Variants in CACNA2D1 observed in about 807,000 individuals in gnomAD.
The protein encoded by CACNA2D1 is voltage-dependent calcium channel subunit alpha-2/delta-1.
CACNA2D1 carries 53 observed loss-of-function variants against 171.5 expected under a neutral mutation model. The observed-to-expected ratio is 0.31, with a 90% confidence interval of 0.25 to 0.39. The LOEUF is 0.39. Ranked by LOEUF, CACNA2D1 falls within the 10% of genes least tolerant of loss-of-function variation. CACNA2D1 has a pLI of 1.00. For synonymous variants in CACNA2D1, 442 were observed against 443.1 expected, an observed-to-expected ratio of 1.00 and a Z score of 0.03; for missense variants, 903 against 1,299.8, an observed-to-expected ratio of 0.69 and a Z score of 4.69.
intron 19 of CACNA2D1, 63 bp from the exon 20 acceptor site, chr7:81,995,002 A>ATG (rs950662757): frequency 3.5e-5 from 28 of 806,576 alleles, no homozygotes; most frequent in African/African-American, 3.4e-4. Context: ...AAATATGACT[A>ATG]TTAACATGGT....
intron 3 of CACNA2D1, among the ~76,000 whole-genome samples, chr7:82,268,905 A>G (rs1808265913): frequency 1.3e-5 from 2 of 152,194 alleles, no homozygotes; most frequent in African/African-American, 2.4e-5. Flanking sequence ...GGCTGGCAAC[A>G]GGAAATTGAA....
Position 82,208,229 on chromosome 7 carries a change from TAA to T in CACNA2D1, c.295-37622_295-37621del, listed in dbSNP as rs779609631. Among the ~76,000 whole-genome samples, 10 of 152,192 alleles carry T rather than the reference TAA, an allele frequency of 6.6e-5. No individual in the cohort carries two copies. In the East Asian group the frequency reaches 7.7e-4, roughly 12 times the overall value. On this transcript the variant is annotated intron_variant, in intron 3 of 38. Coordinates refer to ENST00000356860, the MANE Select transcript of CACNA2D1 (RefSeq NM_000722.4). The stretch of plus-strand genomic sequence containing the variant: ...AAATGTTTAATAAATATGCATTATA[TAA>T]GTGTATGTATAAATATATGTATGTA...
At chr7:82,011,517 A>C (rs1799772598) in intron 15 of CACNA2D1, among the ~76,000 whole-genome samples, 2 of 152,288 alleles carry the variant, frequency 1.3e-5, no homozygotes, top group South Asian at 2.1e-4. Flanking sequence ...CTTTACTAAA[A>C]TGTCAATTGT....
intron 3 of CACNA2D1, among the ~76,000 whole-genome samples, chr7:82,237,438 T>A (rs1803737991): frequency 6.6e-6 from 1 of 151,916 alleles, no homozygotes; most frequent in Non-Finnish European, 1.5e-5. Context: ...TCTAGATTGT[T>A]TTTTTTCCTA....
intron 38 of CACNA2D1, among the ~76,000 whole-genome samples, chr7:81,956,741 CTAAT>C (rs1464854891): frequency 5.9e-5 from 9 of 152,040 alleles, no homozygotes; most frequent in Admixed American, 5.2e-4. Flanking sequence ...TAGTGGCTTC[CTAAT>C]CAATGACTAC....
At chr7:82,433,610 T>C (rs1407406617) in intron 1 of CACNA2D1, among the ~76,000 whole-genome samples, 3 of 152,224 alleles carry the variant, frequency 2.0e-5, no homozygotes, top group Non-Finnish European at 4.4e-5. Flanking sequence ...CACCTGCCTC[T>C]ATCAGAACAT....
At chr7:82,383,551 G>A (rs1294537155) in intron 1 of CACNA2D1, among the ~76,000 whole-genome samples, 1 of 152,156 alleles carries the variant, frequency 6.6e-6, no homozygotes, top group Admixed American at 6.5e-5. Flanking sequence ...AAAATGGACA[G>A]TACCCTTGGT....
At chr7:82,278,770 A>G (rs1364639843) in intron 3 of CACNA2D1, among the ~76,000 whole-genome samples, 2 of 152,066 alleles carry the variant, frequency 1.3e-5, no homozygotes, top group Non-Finnish European at 2.9e-5. Flanking sequence ...TTTTAGTTCT[A>G]TTAGTTTTAT....
intron 15 of CACNA2D1, among the ~76,000 whole-genome samples, chr7:82,008,173 C>G (rs1799338829): frequency 6.6e-6 from 1 of 151,900 alleles, no homozygotes; most frequent in Admixed American, 6.6e-5. Flanking sequence ...CTTTTTGTAG[C>G]CTTATTCTTT....
intron 6 of CACNA2D1, among the ~76,000 whole-genome samples, chr7:82,103,663 G>A (rs956964222): frequency 8.0e-6 from 1 of 124,234 alleles, no homozygotes; most frequent in Non-Finnish European, 1.8e-5. Context: ...ATTTGTGTGT[G>A]TATATACATA....
chr7:82,432,932 T>C (rs1242183835), intron 1 of CACNA2D1, among the ~76,000 whole-genome samples: 1 of 151,394 alleles, frequency 6.6e-6, no homozygotes. Context: ...ACGCCTGTAA[T>C]CCTAGCACTT....
At chr7:82,385,946 T>G (rs1824311735) in intron 1 of CACNA2D1, among the ~76,000 whole-genome samples, 2 of 152,194 alleles carry the variant, frequency 1.3e-5, no homozygotes, top group Admixed American at 6.5e-5. Flanking sequence ...ATTACAGGCG[T>G]GAACCACCAT....
chr7:81,976,655 C>G (rs941310913), intron 24 of CACNA2D1, among the ~76,000 whole-genome samples: 56 of 152,108 alleles, frequency 3.7e-4, no homozygotes, highest in African/African-American at 1.2e-3. Context: ...GAGTTTCAGG[C>G]CAGCCTGGCC....
chr7:82,057,829 G>A (rs1486011146), intron 10 of CACNA2D1, among the ~76,000 whole-genome samples: 7 of 152,104 alleles, frequency 4.6e-5, no homozygotes, highest in Admixed American at 3.9e-4. Context: ...AAGGCTGCAG[G>A]GAAATTAGGA....
At chr7:82,370,472 C>A (rs1396411246) in intron 1 of CACNA2D1, among the ~76,000 whole-genome samples, 2 of 151,482 alleles carry the variant, frequency 1.3e-5, no homozygotes, top group Non-Finnish European at 2.9e-5. Context: ...TTAAAATACA[C>A]AAAAATATTT....
At chr7:81,972,634 G>T (rs1795396130) in intron 25 of CACNA2D1, among the ~76,000 whole-genome samples, 1 of 151,654 alleles carries the variant, frequency 6.6e-6, no homozygotes, top group South Asian at 2.1e-4. Context: ...AGGATCAAAG[G>T]CCAATTATTA....
intron 6 of CACNA2D1, among the ~76,000 whole-genome samples, chr7:82,106,102 C>G (rs1398316282): frequency 2.0e-5 from 3 of 152,032 alleles, no homozygotes; most frequent in African/African-American, 7.2e-5. Context: ...GTCTGATCTT[C>G]GAATTTTGAG....
At chr7:82,347,238 A>G (rs1239677399) in intron 2 of CACNA2D1, among the ~76,000 whole-genome samples, 1 of 152,202 alleles carries the variant, frequency 6.6e-6, no homozygotes, top group Non-Finnish European at 1.5e-5. Flanking sequence ...TTAGGATACA[A>G]TAAAGCAATT....
chr7:81,979,005 G>C (rs1252482177), intron 24 of CACNA2D1, among the ~76,000 whole-genome samples: 1 of 149,294 alleles, frequency 6.7e-6, no homozygotes. Flanking sequence ...TATAAAAAAA[G>C]TACTGATACG....
Sources: gnomAD v4.1 joint callset for allele counts (sites outside exome capture counted in the v4.1 genomes callset) on GRCh38, gnomAD v4.1.1 for gene constraint, MANE v1.5 for transcripts, NCBI Gene and HGNC (gene_info 2026-07-23, HGNC 2026-07-21) for gene names.